The following CPB1 variants were observed in gnomAD, a reference collection of about 807,000 sequenced individuals.
CPB1 encodes carboxypeptidase B.
In CPB1, 53 loss-of-function variants were observed where a neutral mutation model predicts 51.4. The observed-to-expected ratio is 1.03, with a 90% CI of 0.83 to 1.30. CPB1 has a LOEUF of 1.30. Among genes scored for constraint, CPB1 ranks in the 50% most tolerant of loss-of-function variants. The pLI is 0.00. For synonymous variants in CPB1, 189 were observed against 186.9 expected (o/e 1.01, Z -0.09); for missense variants, 494 against 516.2 (o/e 0.96, Z 0.42).
intron 9 of CPB1, among the ~76,000 whole-genome samples, chr3:148,853,273 C>T (rs1469371641): frequency 6.6e-6 from 1 of 152,148 alleles, no homozygotes; most frequent in African/African-American, 2.4e-5. Context: ...GAAGAGGCAG[C>T]CCCCTGTCAT....
intron 9 of CPB1, among the ~76,000 whole-genome samples, chr3:148,848,676 T>C (rs1465891769): frequency 3.9e-5 from 6 of 152,184 alleles, no homozygotes; most frequent in African/African-American, 1.4e-4. Context: ...TGTGCCTTCA[T>C]TTCTGAATGA....
intron 3 of CPB1, among the ~76,000 whole-genome samples, chr3:148,836,909 T>C (rs1559957249): frequency 6.6e-6 from 1 of 152,112 alleles, no homozygotes. Flanking sequence ...TGCACACAAG[T>C]TCTACCAAAA....
chr3:148,841,416 CAG>C (rs1713077849), intron 5 of CPB1, among the ~76,000 whole-genome samples: 1 of 152,126 alleles, frequency 6.6e-6, no homozygotes, highest in Non-Finnish European at 1.5e-5. Flanking sequence ...AATAAAAAGA[CAG>C]GGAATAAGTG....
chr3:148,859,936 T>C lies in CPB1; in HGVS notation c.1188T>C (p.Ala396=), dbSNP rs1713701587. The C allele has an allele frequency of 6.2e-7, 1 of 1,614,210 alleles. No homozygotes were observed. The highest frequency in any genetic ancestry group is 2.2e-5 in the East Asian group (1 of 44,888). The part of the protein sequence containing the change: ...GFLLPESQIR[A]TCEETFLAIK... ...TCCTTCCAGAATCCCAGATCCGGGC[T>C]ACCTGCGAGGAGACCTTCCTGGCAA... Residue 396 remains alanine (A), a synonymous_variant, in exon 11 of 11, where the codon GCT becomes GCC. Coordinates refer to ENST00000282957, the MANE Select transcript of CPB1 (RefSeq NM_001871.3).
In CPB1 at chr3:148,859,890, A is replaced by G. The variant is rs1468195349; in HGVS notation, c.1142A>G (p.Asp381Gly). The G allele has an allele frequency of 6.2e-7, 1 of 1,614,162 alleles. No individual in the cohort carries two copies. Among genetic ancestry groups the G allele is most frequent in the Non-Finnish European group, 8.5e-7 (1 of 1,180,014 alleles). Residue 381 changes from aspartate to glycine, a missense_variant, in exon 11 of 11, where the codon GAT becomes GGT. By Grantham distance (94) the Asp-to-Gly change is moderately conservative (BLOSUM62 -1). Coordinates refer to ENST00000282957, the MANE Select transcript of CPB1 (RefSeq NM_001871.3). ...IRYSFTFELR[D>G]TGRYGFLLPE... The stretch of plus-strand genomic sequence containing the variant: ...TATTCCTTCACCTTTGAACTTCGAG[A>G]TACAGGCAGATATGGCTTTCTCCTT...
chr3:148,853,884 G>A (rs1305815535), intron 9 of CPB1, among the ~76,000 whole-genome samples: 1 of 151,150 alleles, frequency 6.6e-6, no homozygotes, highest in African/African-American at 2.5e-5. Flanking sequence ...AAAATATCTA[G>A]CTCTTATCAA....
intron 9 of CPB1, among the ~76,000 whole-genome samples, chr3:148,846,341 C>A: frequency 6.6e-6 from 1 of 152,024 alleles, no homozygotes; most frequent in Non-Finnish European, 1.5e-5. Context: ...CATGTTTGAA[C>A]CTTTCAAACA....
chr3:148,857,538 A>G lies in CPB1; in HGVS notation c.1063A>G (p.Ile355Val). ...CACATATGGCCCGGGAGCTACAACA[A>G]TCTGTGAGTCTTGGCTTCAGAACTG... ...KYTYGPGATTIYPAAGGSDDW... is the reference protein window; with the variant it reads ...KYTYGPGATTVYPAAGGSDDW... The change falls in exon 10 of 11, where the codon ATC (isoleucine) becomes GTC (valine). Residue 355 changes from isoleucine (I) to valine (V), a missense_variant. Physicochemically the swap from Ile to Val is conservative, Grantham distance 29. Coordinates refer to ENST00000282957, the MANE Select transcript of CPB1 (RefSeq NM_001871.3). 1.2e-6 allele frequency: 2 copies of G among 1,612,778 alleles called. No homozygotes were observed. Among genetic ancestry groups the G allele is most frequent in the Non-Finnish European group, 1.7e-6 (2 of 1,178,850 alleles).
At chr3:148,852,162 G>A (rs1373011808) in intron 9 of CPB1, among the ~76,000 whole-genome samples, 1 of 152,114 alleles carries the variant, frequency 6.6e-6, no homozygotes, top group Admixed American at 6.5e-5. Context: ...CGAGAAAAAG[G>A]CATTCTCATA....
chr3:148,859,549 C>T (rs1208963763), intron 10 of CPB1, among the ~76,000 whole-genome samples: 3 of 152,158 alleles, frequency 2.0e-5, no homozygotes, highest in Non-Finnish European at 4.4e-5. Flanking sequence ...CATACAAGCA[C>T]ACTGGGAATT....
chr3:148,837,647 G>T (rs950729505), intron 3 of CPB1, among the ~76,000 whole-genome samples: 3 of 151,886 alleles, frequency 2.0e-5, no homozygotes, highest in Non-Finnish European at 4.4e-5. Context: ...AGCTAAAGTA[G>T]TACTTTGTCC....
chr3:148,855,524 C>A (rs1310462169), intron 9 of CPB1: 1 of 152,122 alleles, frequency 6.6e-6, no homozygotes, highest in Admixed American at 6.5e-5. Context: ...TAACAGATCA[C>A]AAGTAGCCCC....
At position 148,831,305 on chromosome 3, in the gene CPB1, A is replaced by G. The variant is rs1318063953; in HGVS notation, c.148-3193A>G. Among the ~76,000 whole-genome samples the G allele has an allele frequency of 3.3e-5, 5 of 152,136 alleles. No individual in the cohort carries two copies. The East Asian group carries it at 9.6e-4, about 29-fold the overall frequency. ...ATGGTTACTGTCTTCCAATGTTCTTATCATTCCTACTGTACCAGTAAGTTC... is the reference window on the plus strand; with the variant it reads ...ATGGTTACTGTCTTCCAATGTTCTTGTCATTCCTACTGTACCAGTAAGTTC... On this transcript the variant is annotated intron_variant, in intron 2 of 10. Coordinates refer to ENST00000282957, the MANE Select transcript of CPB1 (RefSeq NM_001871.3).
At chr3:148,847,699 T>C (rs1713298691) in intron 9 of CPB1, among the ~76,000 whole-genome samples, 2 of 152,138 alleles carry the variant, frequency 1.3e-5, no homozygotes, top group Non-Finnish European at 2.9e-5. Context: ...TCTACCGAAG[T>C]AAAATGTTCA....
chr3:148,840,612 C>T, intron 3 of CPB1, 74 bp from the exon 4 acceptor site: 2 of 1,272,400 alleles, frequency 1.6e-6, no homozygotes, highest in East Asian at 4.6e-5. Context: ...AGCAGTGGCT[C>T]TGGGGTTTTA....
In CPB1 at chr3:148,832,612, T is replaced by C. The variant is rs1357905395; in HGVS notation, c.148-1886T>C. On this transcript the variant is annotated intron_variant, in intron 2 of 10. Coordinates refer to ENST00000282957, the MANE Select transcript of CPB1 (RefSeq NM_001871.3). ...TGGCGGTAAACCCACAGGGAAACTC[T>C]AGGAATGTGTGCAAACAACACACTT... Among the ~76,000 whole-genome samples, 3 of 152,226 alleles carry C rather than the reference T, an allele frequency of 2.0e-5. No homozygotes were observed. In the East Asian group the frequency reaches 5.8e-4, roughly 29 times the overall value.
chr3:148,845,641 A>G lies in CPB1; in HGVS notation c.981+15A>G, dbSNP rs941936702. The G allele has an allele frequency of 1.9e-6, 3 of 1,585,782 alleles. No individual in the cohort carries two copies. Among genetic ancestry groups the G allele is most frequent in the Admixed American group, 3.3e-5 (2 of 59,886 alleles). ...ATGCTGAGTTGGTAAGTAGCAAAGT[A>G]GTAGGTATGACATTTTACTATTGAG... On this transcript the variant is annotated intron_variant, in intron 9 of 10. Transcript: ENST00000282957.
intron 2 of CPB1, among the ~76,000 whole-genome samples, chr3:148,834,161 C>A (rs1712823430): frequency 6.6e-6 from 1 of 152,152 alleles, no homozygotes; most frequent in South Asian, 2.1e-4. Flanking sequence ...AGATCCATTA[C>A]CACATAGCAT....
At position 148,840,673 on chromosome 3, in the gene CPB1, T is replaced by C. The variant is rs998441973; in HGVS notation, c.273-13T>C. ...CTTATGTTCATAGGAACACCCACTT[T>C]GGTTCGTTGCAGGGTACTGATAAGC... On this transcript the variant is annotated splice_polypyrimidine_tract_variant and intron_variant, in intron 3 of 10. Coordinates refer to ENST00000282957, the MANE Select transcript of CPB1 (RefSeq NM_001871.3). 5 of 1,613,310 alleles carry C rather than the reference T, an allele frequency of 3.1e-6. No individual in the cohort carries two copies. The highest frequency in any genetic ancestry group is 4.2e-6 in the Non-Finnish European group (5 of 1,179,212).
Sources: gnomAD v4.1 joint callset for allele counts (sites outside exome capture counted in the v4.1 genomes callset) on GRCh38, gnomAD v4.1.1 for gene constraint, MANE v1.5 for transcripts, NCBI Gene and HGNC (gene_info 2026-07-23, HGNC 2026-07-21) for gene names.